Variants in SETBP1 observed in about 807,000 individuals in gnomAD.
The protein encoded by SETBP1 is SET binding protein 1, also known as SET-binding protein.
SETBP1 carries 9 observed loss-of-function variants against 101.0 expected under a neutral mutation model. The ratio of observed to expected loss-of-function variants is 0.09; its 90% confidence interval spans 0.05 to 0.16. SETBP1 has a LOEUF of 0.16. Among genes scored for constraint, SETBP1 ranks in the 10% least tolerant of loss-of-function variants. SETBP1 has a pLI of 1.00. For missense variants in SETBP1, 1,858 were observed against 2,033.8 expected (o/e 0.91, Z 1.66); for synonymous variants, 818 against 788.5 (o/e 1.04, Z -0.63).
At chr18:44,870,015 G>A in intron 3 of SETBP1, 1 of 155,258 alleles carries the variant, frequency 6.4e-6, no homozygotes, top group Non-Finnish European at 1.4e-5. Context: ...CAATCCAAAG[G>A]TGATCATTAA....
intron 4 of SETBP1, among the ~76,000 whole-genome samples, chr18:44,963,427 G>C (rs188168153): frequency 2.2e-4 from 34 of 152,270 alleles, no homozygotes; most frequent in Non-Finnish European, 4.1e-4. Flanking sequence ...TGAATGGAGC[G>C]TGAATGTCCT....
intron 4 of SETBP1, among the ~76,000 whole-genome samples, chr18:45,036,424 T>C (rs2073399981): frequency 6.6e-6 from 1 of 152,028 alleles, no homozygotes; most frequent in Non-Finnish European, 1.5e-5. Flanking sequence ...CACTGTTACC[T>C]ATTTGGATGT....
At chr18:45,042,578 C>A (rs994085652) in intron 5 of SETBP1, among the ~76,000 whole-genome samples, 1 of 152,132 alleles carries the variant, frequency 6.6e-6, no homozygotes, top group Non-Finnish European at 1.5e-5. Context: ...ACATTCCCAC[C>A]TTATTTTATA....
rs373493544 is a variant in SETBP1, at chr18:44,952,275, G to A, written c.2935G>A (p.Glu979Lys). The A allele has an allele frequency of 6.8e-6, 11 of 1,613,938 alleles. No individual in the cohort carries two copies. Among genetic ancestry groups the A allele is most frequent in the East Asian group, 4.5e-5 (2 of 44,870 alleles). The change falls in exon 4 of 6, where the codon GAG (glutamate) becomes AAG (lysine). Residue 979 changes from glutamate (E) to lysine (K), a missense_variant. By Grantham distance (56) the Glu-to-Lys change is moderately conservative (BLOSUM62 1). Transcript: ENST00000649279. ...CCACCGGAGTTACACCTTCTACCAC[G>A]AGAATCCATATCCCAGCATTTTTCG... is the stretch of plus-strand genomic sequence containing the variant. ...ISHRSYTFYH[E>K]NPYPSIFRIN...
At chr18:45,058,888 C>G (rs2073849763) in intron 5 of SETBP1, among the ~76,000 whole-genome samples, 1 of 152,142 alleles carries the variant, frequency 6.6e-6, no homozygotes, top group Admixed American at 6.6e-5. Flanking sequence ...GCCATTAAAA[C>G]AGGAGGGCAG....
intron 5 of SETBP1, among the ~76,000 whole-genome samples, chr18:45,052,736 T>G (rs2145558278): frequency 6.6e-6 from 1 of 152,282 alleles, no homozygotes; most frequent in South Asian, 2.1e-4. Flanking sequence ...AATACAAAGA[T>G]AGTTAATTTT....
chr18:44,950,142 G>A lies in SETBP1; in HGVS notation c.802G>A (p.Gly268Ser), dbSNP rs756231270. The A allele has an allele frequency of 6.2e-7, 1 of 1,613,862 alleles. No individual in the cohort carries two copies. The highest frequency in any genetic ancestry group is 8.5e-7 in the Non-Finnish European group (1 of 1,180,048). The change falls in exon 4 of 6, where the codon GGC (glycine) becomes AGC (serine). Residue 268 changes from glycine to serine, a missense_variant. By Grantham distance (56) the Gly-to-Ser change is moderately conservative. Around this residue, in one of 12 missense-constraint regions of SETBP1, gnomAD observed 581 missense variants for 535.1 expected, o/e 1.09. Coordinates refer to ENST00000649279, the MANE Select transcript of SETBP1 (RefSeq NM_015559.3). ...CTTTGCAAAGGCCCAGGGTAAGAAA[G>A]GCAGTGCAGGGAACACGTGGAGTCA... ...ASFAKAQGKK[G>S]SAGNTWSQLS...
chr18:44,954,343 A>AAC (rs1290576920), intron 4 of SETBP1, among the ~76,000 whole-genome samples: 13 of 149,690 alleles, frequency 8.7e-5, no homozygotes, highest in East Asian at 2.0e-4. Context: ...AAAAAAAAAA[A>AAC]AAAAAAAAAA....
At chr18:44,833,581 G>A (rs1267714763) in intron 2 of SETBP1, among the ~76,000 whole-genome samples, 1 of 152,230 alleles carries the variant, frequency 6.6e-6, no homozygotes, top group East Asian at 1.9e-4. Flanking sequence ...TTACGGCCCA[G>A]GAAACAATGG....
intron 4 of SETBP1, among the ~76,000 whole-genome samples, chr18:45,019,493 TG>T: frequency 6.6e-6 from 1 of 152,364 alleles, no homozygotes; most frequent in Middle Eastern, 3.4e-3. Flanking sequence ...TTTAAAAGTC[TG>T]GCATTTGCCT....
At chr18:45,051,890 C>T (rs549440602) in intron 5 of SETBP1, among the ~76,000 whole-genome samples, 50 of 152,200 alleles carry the variant, frequency 3.3e-4, no homozygotes, top group Non-Finnish European at 6.9e-4. Context: ...GTGCTCTGAA[C>T]GGAGTAGGGA....
intron 2 of SETBP1, among the ~76,000 whole-genome samples, chr18:44,729,001 A>G (rs2069774147): frequency 6.6e-6 from 1 of 152,236 alleles, no homozygotes; most frequent in Admixed American, 6.5e-5. Flanking sequence ...GTGTATTTCA[A>G]GTAGTCTCCA....
At position 44,701,575 on chromosome 18, in the gene SETBP1, A is replaced by G; in HGVS notation, c.229A>G (p.Ser77Gly). 2 of 1,614,234 alleles carry G rather than the reference A, an allele frequency of 1.2e-6. No individual in the cohort carries two copies. Among genetic ancestry groups the G allele is most frequent in the Non-Finnish European group, 1.7e-6 (2 of 1,180,042 alleles). The change falls in exon 2 of 6, where the codon AGT becomes GGT. Residue 77 changes from serine to glycine, a missense_variant. Physicochemically the swap from Ser to Gly is moderately conservative, Grantham distance 56 (BLOSUM62 0). Around this residue, in one of 12 missense-constraint regions of SETBP1, gnomAD observed 97 missense variants for 101.2 expected, o/e 0.96. Coordinates refer to ENST00000649279, the MANE Select transcript of SETBP1 (RefSeq NM_015559.3). ...RDVDSNSNAD[S>G]EKWVAGDGLE... is the part of the protein sequence containing the mutation. The stretch of plus-strand genomic sequence containing the variant: ...TGTGGATTCCAACTCCAACGCGGAC[A>G]GTGAGAAATGGGTGGCAGGAGATGG...
intron 3 of SETBP1, among the ~76,000 whole-genome samples, chr18:44,940,633 A>G (rs1283961829): frequency 1.3e-5 from 2 of 152,188 alleles, no homozygotes; most frequent in African/African-American, 2.4e-5. Flanking sequence ...AAGATTACGA[A>G]TGTATACCTC....
chr18:44,934,825 A>T (rs2070922583), intron 3 of SETBP1, among the ~76,000 whole-genome samples: 1 of 152,170 alleles, frequency 6.6e-6, no homozygotes, highest in Non-Finnish European at 1.5e-5. Flanking sequence ...TGTGCTCCTA[A>T]CTGCTGTACA....
intron 4 of SETBP1, among the ~76,000 whole-genome samples, chr18:44,996,235 T>C (rs1205322880): frequency 6.6e-6 from 1 of 152,202 alleles, no homozygotes; most frequent in Non-Finnish European, 1.5e-5. Context: ...AGGAGCAATA[T>C]TTGCTGGGCA....
intron 4 of SETBP1, among the ~76,000 whole-genome samples, chr18:44,960,049 T>A (rs1004327519): frequency 2.0e-5 from 3 of 152,060 alleles, no homozygotes; most frequent in African/African-American, 7.2e-5. Context: ...TAGGACTAGG[T>A]GCAAGCCCAG....
At position 45,029,333 on chromosome 18, in the gene SETBP1, A is replaced by G. The variant is rs1321412096; in HGVS notation, c.4001-9152A>G. On this transcript the variant is annotated intron_variant, in intron 4 of 5. Coordinates refer to ENST00000649279, the MANE Select transcript of SETBP1 (RefSeq NM_015559.3). ...GATCAGATAGTTGTAGATATGCGGC[A>G]TTATTTCTGAGGGCTCTGTTCTGTT... 5.9e-5 allele frequency among the ~76,000 whole-genome samples: 9 copies of G among 151,630 alleles called. No individual in the cohort carries two copies. The East Asian group carries it at 1.2e-3, about 20-fold the overall frequency.
At chr18:44,942,592 C>T (rs984929480) in intron 3 of SETBP1, among the ~76,000 whole-genome samples, 12 of 152,186 alleles carry the variant, frequency 7.9e-5, no homozygotes, top group Non-Finnish European at 1.6e-4. Context: ...ACTAGGGCTA[C>T]TCTGGAACCT....
Sources: allele counts gnomAD v4.1 joint callset (sites outside exome capture counted in the v4.1 genomes callset), GRCh38; gene constraint gnomAD v4.1.1; regional missense constraint gnomAD v4.1.1; transcripts MANE v1.5; gene names NCBI Gene and HGNC (gene_info 2026-07-23, HGNC 2026-07-21).